Variants in SLC22A25 observed in about 807,000 individuals in gnomAD.
SLC22A25 encodes the protein solute carrier family 22 member 25, also known as MGI:2442751, MGI:2385316, MGI:3042283, MGI:3645714, MGI:3605624, MGI:2442750.
A neutral mutation model predicts 45.9 loss-of-function variants in SLC22A25; 44 were observed. The observed-to-expected ratio is 0.96, with a 90% CI of 0.75 to 1.23. The LOEUF (loss-of-function observed/expected upper bound fraction) is 1.23. Ranked by LOEUF, SLC22A25 falls within the 50% of genes most tolerant of loss-of-function variation. The probability of loss-of-function intolerance (pLI) is 0.00; values close to 1 mark genes in which losing one functional copy is unlikely to be tolerated. For missense variants in SLC22A25, 800 were observed against 666.4 expected (o/e 1.20, Z -2.21); for synonymous variants, 283 against 238.6 (o/e 1.19, Z -1.72).
chr11:63,227,740 G>A (rs1025184556), intron 5 of SLC22A25, among the ~76,000 whole-genome samples: 1 of 152,232 alleles, frequency 6.6e-6, no homozygotes, highest in Non-Finnish European at 1.5e-5. Flanking sequence ...TGCAGTCCTT[G>A]TGGCCTACAC....
chr11:63,158,722 C>G lies in SLC22A25; in HGVS notation c.*5102G>C, dbSNP rs2134698211. On this transcript the variant is annotated 3_prime_UTR_variant, in exon 12 of 12. Transcript: ENST00000306494. ...ACATTATGCAGCATGGGGTATCTGTCCCTCAAGCGTTTATTCTTTGTGATT... is the reference window on the plus strand; with the variant it reads ...ACATTATGCAGCATGGGGTATCTGTGCCTCAAGCGTTTATTCTTTGTGATT... 6.6e-6 allele frequency among the ~76,000 whole-genome samples: 1 copy of G among 152,264 alleles called. No individual in the cohort carries two copies. Among genetic ancestry groups the G allele is most frequent in the African/African-American group, 2.4e-5 (1 of 41,544 alleles).
intron 3 of SLC22A25, among the ~76,000 whole-genome samples, chr11:63,231,559 A>C (rs2090069760): frequency 6.6e-6 from 1 of 152,110 alleles, no homozygotes; most frequent in South Asian, 2.1e-4. Context: ...CCTTTGTCAG[A>C]TGAGTAGATT....
intron 9 of SLC22A25, among the ~76,000 whole-genome samples, chr11:63,174,131 T>C (rs2134721155): frequency 6.6e-6 from 1 of 152,164 alleles, no homozygotes; most frequent in East Asian, 1.9e-4. Context: ...AACTCCCACT[T>C]ATCAGTGAGA....
chr11:63,229,076 A>T (rs1003651741), intron 4 of SLC22A25, among the ~76,000 whole-genome samples, 175 bp downstream of exon 4: 1 of 152,236 alleles, frequency 6.6e-6, no homozygotes, highest in Non-Finnish European at 1.5e-5. Flanking sequence ...TTTTGAATTC[A>T]TTAGACTCAT....
intron 3 of SLC22A25, among the ~76,000 whole-genome samples, chr11:63,235,558 A>C (rs1443859070): frequency 6.6e-6 from 1 of 152,052 alleles, no homozygotes; most frequent in Middle Eastern, 3.2e-3. Flanking sequence ...AATTTTTTTC[A>C]AAGTTTTTAA....
intron 4 of SLC22A25, among the ~76,000 whole-genome samples, chr11:63,228,964 CT>C (rs2090016229): frequency 1.3e-5 from 2 of 152,168 alleles, no homozygotes; most frequent in African/African-American, 4.8e-5. Flanking sequence ...GCTGAGCATT[CT>C]TTACTTAGCA....
At chr11:63,213,565 A>G (rs559354941) in intron 7 of SLC22A25, among the ~76,000 whole-genome samples, 2 of 152,314 alleles carry the variant, frequency 1.3e-5, no homozygotes, top group Non-Finnish European at 2.9e-5. Flanking sequence ...ACCTTAATGG[A>G]GCCAAGAGGA....
chr11:63,184,157 A>C (rs1387663753), intron 7 of SLC22A25, among the ~76,000 whole-genome samples: 1 of 152,134 alleles, frequency 6.6e-6, no homozygotes, highest in Non-Finnish European at 1.5e-5. Context: ...ATGTCTATTC[A>C]TAATGTGTTC....
chr11:63,208,032 T>C (rs556888423), intron 7 of SLC22A25: 1 of 152,336 alleles, frequency 6.6e-6, no homozygotes, highest in East Asian at 1.9e-4. Context: ...TGAACCCCAT[T>C]GGTCTCTCTG....
rs908753725 is a variant in SLC22A25, at chr11:63,180,679, A to G, written c.1051T>C (p.Cys351Arg). The change falls in exon 9 of 12, where the codon TGT (cysteine) becomes CGT (arginine). Residue 351 changes from cysteine to arginine, a missense_variant. Cys to Arg is a radical substitution (Grantham distance 180). Transcript: ENST00000306494. The part of the protein sequence containing the change: ...LRIPNICKRI[C>R]FLSFVRFAST... ...ACTTACCTCACAAAGGACAGGAAAC[A>G]GATTCTTTTACATATGTTGGGTATG... 24 of 1,612,322 alleles carry G rather than the reference A, an allele frequency of 1.5e-5. No homozygotes were observed. The African/African-American group carries it at 2.5e-4, about 17-fold the overall frequency.
intron 9 of SLC22A25, among the ~76,000 whole-genome samples, chr11:63,178,769 CTT>C (rs1170602467): frequency 1.3e-5 from 2 of 151,802 alleles, no homozygotes; most frequent in African/African-American, 2.4e-5. Context: ...TGTTTCTCCA[CTT>C]TGTTGATTGT....
At chr11:63,242,867 G>A (rs1220995432) in intron 1 of SLC22A25, among the ~76,000 whole-genome samples, 2 of 152,106 alleles carry the variant, frequency 1.3e-5, no homozygotes, top group Non-Finnish European at 2.9e-5. Flanking sequence ...TGTGAGCGAG[G>A]CAGGCAGGGA....
In SLC22A25 at chr11:63,229,379, C is replaced by A. The variant is rs2090025810; in HGVS notation, c.274G>T (p.Val92Phe). 1 of 1,614,030 alleles carries A rather than the reference C, an allele frequency of 6.2e-7. No homozygotes were observed. Among genetic ancestry groups the A allele is most frequent in the Non-Finnish European group, 8.5e-7 (1 of 1,179,958 alleles). The change falls in exon 4 of 12, where the codon GTC (valine) becomes TTC (phenylalanine). Residue 92 changes from valine to phenylalanine, a missense_variant. Transcript: ENST00000306494. ...NLRPEKCRRF[V>F]HPQWKLIHLN... The stretch of plus-strand genomic sequence containing the variant: ...TGAATGAGCTTCCACTGGGGATGGA[C>A]AAAGCGACGACACTTCTCTGGCCTC...
rs1230587220 is a variant in SLC22A25, at chr11:63,243,532, C to A, written c.-1094G>T. The stretch of plus-strand genomic sequence containing the variant: ...TGGCCTCCAGGCTCAAAGAGTCCAG[C>A]CCACTGACTGCCAAAAAGCTGTGCA... On this transcript the variant is annotated 5_prime_UTR_variant, in exon 1 of 12. Transcript: ENST00000306494. 1 of 762,954 alleles carries A rather than the reference C, an allele frequency of 1.3e-6. No individual in the cohort carries two copies. Among genetic ancestry groups the A allele is most frequent in the East Asian group, 2.5e-5 (1 of 40,710 alleles). 47.3% of individuals were successfully genotyped at this position (762,954 alleles called of 1,614,324 possible).
rs115941221 is a variant in SLC22A25, at chr11:63,210,374, C to T, written c.830+6940G>A. ...AATTAACCCTGGATTTGCTAGAGGGCATGGCTGAGGCAGAGGCTGAGGAAG... is the reference window on the plus strand; with the variant it reads ...AATTAACCCTGGATTTGCTAGAGGGTATGGCTGAGGCAGAGGCTGAGGAAG... On this transcript the variant is annotated intron_variant, in intron 7 of 11. Transcript: ENST00000306494. 3.5e-3 allele frequency among the ~76,000 whole-genome samples: 538 copies of T among 152,248 alleles called. 3 individuals are homozygous for T. Among genetic ancestry groups the T allele is most frequent in the African/African-American group, 0.012 (481 of 41,540 alleles).
chr11:63,242,889 C>T (rs374103516), intron 1 of SLC22A25, among the ~76,000 whole-genome samples: 105 of 152,274 alleles, frequency 6.9e-4, no homozygotes, highest in African/African-American at 2.5e-3. Context: ...GCTCTGCTCG[C>T]CCACTGCCCA....
intron 7 of SLC22A25, among the ~76,000 whole-genome samples, chr11:63,200,526 C>G (rs1297607050): frequency 6.6e-6 from 1 of 151,826 alleles, no homozygotes; most frequent in Non-Finnish European, 1.5e-5. Context: ...TAAGTGCCAT[C>G]TATGACAAAC....
At chr11:63,185,128 T>TTTTAA (rs1248784235) in intron 7 of SLC22A25, among the ~76,000 whole-genome samples, 6 of 152,206 alleles carry the variant, frequency 3.9e-5, no homozygotes, top group South Asian at 2.1e-4. Flanking sequence ...ATCACAAGTA[T>TTTTAA]TTTATTTTAT....
At chr11:63,166,494 G>A (rs902777824) in intron 9 of SLC22A25, 5 of 1,282,970 alleles carry the variant, frequency 3.9e-6, no homozygotes, top group Non-Finnish European at 3.9e-6. Flanking sequence ...GATGTGCTAT[G>A]GGGTTTATTT....
Sources: allele counts gnomAD v4.1 joint callset (sites outside exome capture counted in the v4.1 genomes callset), GRCh38; gene constraint gnomAD v4.1.1; transcripts MANE v1.5; gene names NCBI Gene and HGNC (gene_info 2026-07-23, HGNC 2026-07-21).